The following PLEKHA6 variants were observed in gnomAD, a reference collection of about 807,000 sequenced individuals.
PLEKHA6 encodes pleckstrin homology domain containing A6.
In PLEKHA6, 60 loss-of-function variants were observed where a neutral mutation model predicts 116.7. The observed-to-expected ratio is 0.51, with a 90% CI of 0.42 to 0.64. The LOEUF is 0.64. PLEKHA6 is among the 30% of genes least tolerant of loss of function. The pLI is 0.00. For synonymous variants in PLEKHA6, 489 were observed against 556.1 expected (o/e 0.88, Z 1.70); for missense variants, 1,338 against 1,422.7 (o/e 0.94, Z 0.96).
intron 1 of PLEKHA6, chr1:204,309,101 G>A (rs1572159626): frequency 7.4e-6 from 7 of 950,076 alleles, no homozygotes; most frequent in Non-Finnish European, 8.8e-6. Context: ...AGTTTACTTT[G>A]TACAGTGCTC....
At position 204,244,930 on chromosome 1, in the gene PLEKHA6, G is replaced by A; in HGVS notation, c.2106C>T (p.Ser702=). 1 of 1,507,838 alleles carries A rather than the reference G, an allele frequency of 6.6e-7. No individual in the cohort carries two copies. The highest frequency in any genetic ancestry group is 1.3e-5 in the South Asian group (1 of 79,332). 93.4% of individuals were successfully genotyped at this position (1,507,838 alleles called of 1,614,324 possible). ...ASPLSSASLT[S]PLSPFSLVSG... The stretch of plus-strand genomic sequence containing the variant: ...ACACCAGTGAAAAGGGGCTCAGGGG[G>A]CTGGTGAGGCTGGCAGAGCTGAGGG... Residue 702 remains serine, a synonymous_variant, in exon 15 of 23, where the codon AGC becomes AGT. Coordinates refer to ENST00000272203, the MANE Select transcript of PLEKHA6 (RefSeq NM_014935.5).
chr1:204,258,563 A>G (rs1379394548), intron 8 of PLEKHA6, among the ~76,000 whole-genome samples: 5 of 152,228 alleles, frequency 3.3e-5, no homozygotes, highest in African/African-American at 1.2e-4. Context: ...TCAGGCCACT[A>G]GAGGGCAGGT....
chr1:204,341,972 A>C (rs1198647042), intron 1 of PLEKHA6, among the ~76,000 whole-genome samples: 1 of 152,150 alleles, frequency 6.6e-6, no homozygotes, highest in Admixed American at 6.5e-5. Context: ...AGATCATTTG[A>C]TGTCAGGAAT....
intron 1 of PLEKHA6, among the ~76,000 whole-genome samples, chr1:204,296,588 C>G (rs1373586930): frequency 6.6e-6 from 1 of 152,220 alleles, no homozygotes; most frequent in African/African-American, 2.4e-5. Context: ...CAGCTCCCCC[C>G]AGCTGCCTGG....
intron 3 of PLEKHA6, among the ~76,000 whole-genome samples, chr1:204,270,528 C>T (rs1013418546): frequency 2.0e-5 from 3 of 152,176 alleles, no homozygotes; most frequent in African/African-American, 7.2e-5. Flanking sequence ...CAGAACTCCA[C>T]GTTATCTTAC....
At chr1:204,344,865 G>A (rs1304662198) in intron 1 of PLEKHA6, among the ~76,000 whole-genome samples, 1 of 152,156 alleles carries the variant, frequency 6.6e-6, no homozygotes, top group East Asian at 1.9e-4. Flanking sequence ...GAGCCAGAAG[G>A]TGGAGAAACA....
intron 21 of PLEKHA6, among the ~76,000 whole-genome samples, chr1:204,226,965 C>T (rs1310870634): frequency 6.6e-6 from 1 of 152,206 alleles, no homozygotes; most frequent in African/African-American, 2.4e-5. Context: ...AGGCACTGTG[C>T]TAGGTGTTTG....
intron 9 of PLEKHA6, chr1:204,251,678 C>T (rs1483901166): frequency 3.0e-6 from 2 of 676,104 alleles, no homozygotes; most frequent in Non-Finnish European, 5.4e-6. Flanking sequence ...CCTTCACCCA[C>T]CTGTGCTTGT....
chr1:204,304,108 A>C (rs1250351605), intron 1 of PLEKHA6, among the ~76,000 whole-genome samples: 2 of 152,206 alleles, frequency 1.3e-5, no homozygotes, highest in Admixed American at 6.5e-5. Flanking sequence ...CCCAGTTAAC[A>C]ACATGTTTCT....
chr1:204,246,103 C>T (rs188495028), intron 13 of PLEKHA6, among the ~76,000 whole-genome samples: 27 of 152,298 alleles, frequency 1.8e-4, no homozygotes, highest in Non-Finnish European at 7.3e-5. Context: ...TGCTTTTCTT[C>T]ACATCCAAAC....
chr1:204,246,721 G>A (rs1482689089), intron 13 of PLEKHA6, among the ~76,000 whole-genome samples: 1 of 152,150 alleles, frequency 6.6e-6, no homozygotes, highest in Non-Finnish European at 1.5e-5. Context: ...CCTGCCTCCA[G>A]GCAGACTGTT....
rs1258294734 is a variant in PLEKHA6 at position 204,358,938 on chromosome 1, T to C, written c.-95+756A>G. ...ACTTTCCTGTCTCGCCCCGCTTCCCTCCCCTTCCACTGTAGCCCTCCTTAC... is the reference window on the plus strand; with the variant it reads ...ACTTTCCTGTCTCGCCCCGCTTCCCCCCCCTTCCACTGTAGCCCTCCTTAC... On this transcript the variant is annotated intron_variant, in intron 1 of 22. Coordinates refer to ENST00000272203, the MANE Select transcript of PLEKHA6 (RefSeq NM_014935.5). 3.2e-3 allele frequency among the ~76,000 whole-genome samples: 252 copies of C among 79,316 alleles called. 1 individual carries two copies. Among genetic ancestry groups the C allele is most frequent in the African/African-American group, 0.012 (247 of 20,100 alleles). 52.0% of individuals were successfully genotyped at this position (79,316 alleles called of 152,430 possible). A position where few individuals can be genotyped will look rare whatever the true frequency, so the allele number is the denominator to read the frequency against.
chr1:204,243,653 C>T (rs1663174103), intron 15 of PLEKHA6, among the ~76,000 whole-genome samples: 1 of 152,316 alleles, frequency 6.6e-6, no homozygotes, highest in South Asian at 2.1e-4. Flanking sequence ...TTAGGCCCCA[C>T]TGTCTGTTGG....
chr1:204,332,993 G>C (rs1385623311), intron 1 of PLEKHA6, among the ~76,000 whole-genome samples: 1 of 152,230 alleles, frequency 6.6e-6, no homozygotes, highest in African/African-American at 2.4e-5. Context: ...GAAAGTTCCT[G>C]CCCCACCTAG....
chr1:204,270,702 G>GT (rs1431362332), intron 3 of PLEKHA6, among the ~76,000 whole-genome samples: 3 of 152,176 alleles, frequency 2.0e-5, no homozygotes, highest in African/African-American at 4.8e-5. Flanking sequence ...ATGAACTAAG[G>GT]TTTTTTTCCA....
intron 1 of PLEKHA6, chr1:204,307,958 G>C: frequency 1.1e-6 from 1 of 875,058 alleles, no homozygotes; most frequent in African/African-American, 1.8e-5. Flanking sequence ...CTCCATATTA[G>C]GGAATATTCT....
intron 15 of PLEKHA6, chr1:204,243,071 T>C (rs1265230797): frequency 7.5e-6 from 3 of 399,052 alleles, no homozygotes; most frequent in African/African-American, 2.1e-5. Flanking sequence ...CCTTTGCCCA[T>C]TGTCCCCTGC....
At chr1:204,348,467 C>A (rs1456994493) in intron 1 of PLEKHA6, among the ~76,000 whole-genome samples, 1 of 152,086 alleles carries the variant, frequency 6.6e-6, no homozygotes, top group East Asian at 1.9e-4. Flanking sequence ...GGAATGGTAC[C>A]AGCTAGTGAA....
Position 204,221,852 on chromosome 1 carries a change from C to T in PLEKHA6, c.*936G>A, listed in dbSNP as rs1429079869. Reference sequence around the variant, plus strand: ...GGCTGCATGTGCTCCACTGGTGGGTCCTCCTAGGGATGAGGTGGGAGGAGC... The same window carrying T: ...GGCTGCATGTGCTCCACTGGTGGGTTCTCCTAGGGATGAGGTGGGAGGAGC... On this transcript the variant is annotated 3_prime_UTR_variant, in exon 23 of 23. Coordinates refer to ENST00000272203, the MANE Select transcript of PLEKHA6 (RefSeq NM_014935.5). The T allele has an allele frequency of 6.6e-6, 1 of 152,670 alleles. No individual in the cohort carries two copies. Among genetic ancestry groups the T allele is most frequent in the Non-Finnish European group, 1.5e-5 (1 of 68,454 alleles). The allele number at this position is 152,670 out of a possible 1,614,324, so 9.5% of individuals were successfully genotyped here.
Sources: gnomAD v4.1 joint callset for allele counts (sites outside exome capture counted in the v4.1 genomes callset) on GRCh38, gnomAD v4.1.1 for gene constraint, MANE v1.5 for transcripts, NCBI Gene and HGNC (gene_info 2026-07-23, HGNC 2026-07-21) for gene names.